Variants in DLD observed in about 807,000 individuals in gnomAD.
DLD encodes the protein dihydrolipoamide dehydrogenase.
A neutral mutation model predicts 62.2 loss-of-function variants in DLD; 36 were observed. The ratio of observed to expected loss-of-function variants is 0.58; its 90% CI spans 0.44 to 0.76. DLD has a LOEUF of 0.76. Among genes scored for constraint, DLD ranks in the 30% least tolerant of loss-of-function variants. The pLI is 0.00. For missense variants in DLD, 541 were observed against 608.6 expected (o/e 0.89, Z 1.17); for synonymous variants, 204 against 199.6 (o/e 1.02, Z -0.19).
In DLD at chr7:107,907,361, G is replaced by A. The variant is rs2032033249; in HGVS notation, c.684+993G>A. On this transcript the variant is annotated intron_variant, in intron 8 of 13. Coordinates refer to ENST00000205402, the MANE Select transcript of DLD (RefSeq NM_000108.5). ...TGACAGTTTATTATTTCCTAAGATGGTACACTGCCCTGGTCTCTGCAATGG... is the reference window on the plus strand; with the variant it reads ...TGACAGTTTATTATTTCCTAAGATGATACACTGCCCTGGTCTCTGCAATGG... Among the ~76,000 whole-genome samples the A allele has an allele frequency of 3.3e-5, 5 of 152,066 alleles. 1 individual carries two copies. In the South Asian group the frequency reaches 1.0e-3, roughly 31 times the overall value.
intron 8 of DLD, 44 bp from the exon 9 acceptor site, chr7:107,915,462 A>G: frequency 6.3e-7 from 1 of 1,587,370 alleles, no homozygotes; most frequent in Non-Finnish European, 8.6e-7. Context: ...AACATTTGCT[A>G]TAGAAACTTT....
In DLD at chr7:107,903,431, G is replaced by A. The variant is rs150502288; in HGVS notation, c.268-47G>A. On this transcript the variant is annotated intron_variant, in intron 4 of 13. Transcript: ENST00000205402. ...CATAAGTGCTTTTTGATTATTTGAA[G>A]TCTGTTTATGAATATTTGATAATTT... is the stretch of plus-strand genomic sequence containing the variant. 795 of 1,159,992 alleles carry A rather than the reference G, an allele frequency of 6.9e-4. 1 individual carries two copies. Among genetic ancestry groups the A allele is most frequent in the Non-Finnish European group, 9.1e-4 (702 of 772,620 alleles). The allele number at this position is 1,159,992 out of a possible 1,614,324, so 71.9% of individuals were successfully genotyped here. A position where few individuals can be genotyped will look rare whatever the true frequency, so the allele number is the denominator to read the frequency against.
chr7:107,898,282 T>C (rs1217666608), intron 2 of DLD, among the ~76,000 whole-genome samples: 6 of 144,424 alleles, frequency 4.2e-5, no homozygotes, highest in Non-Finnish European at 9.1e-5. Flanking sequence ...TTTTTTTTTT[T>C]TTTTTTTTTT....
At chr7:107,898,128 G>A (rs1027722086) in intron 2 of DLD, among the ~76,000 whole-genome samples, 3 of 151,748 alleles carry the variant, frequency 2.0e-5, no homozygotes, top group African/African-American at 2.4e-5. Context: ...TTTAAACCTG[G>A]TAGGAGCACA....
intron 8 of DLD, among the ~76,000 whole-genome samples, chr7:107,910,645 T>A (rs1200326185): frequency 6.6e-6 from 1 of 152,226 alleles, no homozygotes; most frequent in Non-Finnish European, 1.5e-5. Flanking sequence ...TTCTTGTTAA[T>A]GAGCCACTCT....
rs780689525 is a variant in DLD, at chr7:107,919,062, C to A, written c.1427C>A (p.Ser476Tyr). The A allele has an allele frequency of 6.2e-7, 1 of 1,613,912 alleles. No individual in the cohort carries two copies. The highest frequency in any genetic ancestry group is 2.2e-5 in the East Asian group (1 of 44,856). The change falls in exon 13 of 14, where the codon TCC becomes TAC. Residue 476 changes from serine to tyrosine, a missense_variant. Coordinates refer to ENST00000205402, the MANE Select transcript of DLD (RefSeq NM_000108.5). Reference protein sequence around the residue: ...EAALALEYGASCEDIARVCHA... With the variant: ...EAALALEYGAYCEDIARVCHA... ...GCTCTTGCTTTGGAATATGGAGCAT[C>A]CTGTGAAGATATAGCTAGAGTCTGT...
chr7:107,911,507 G>A (rs1371059439), intron 8 of DLD, among the ~76,000 whole-genome samples: 1 of 152,128 alleles, frequency 6.6e-6, no homozygotes, highest in African/African-American at 2.4e-5. Context: ...ATAACTGGAT[G>A]TGTAATTGTT....
intron 11 of DLD, 113 bp downstream of exon 11, chr7:107,917,575 TTG>T: frequency 2.8e-6 from 3 of 1,076,570 alleles, no homozygotes; most frequent in Non-Finnish European, 2.8e-6. Context: ...CTGTGAAATA[TTG>T]TTTAGCTTAT....
In DLD at chr7:107,891,192, G is replaced by GCGGCGGAGGCGCC; in HGVS notation, c.-57_-45dup. ...CGCAGGGAGGGGAGACCTTGGCGGA[G>GCGGCGGAGGCGCC]CGGCGGAGGCGCCCAGCGGAGGTGA... On this transcript the variant is annotated 5_prime_UTR_variant, in exon 1 of 14. Transcript: ENST00000205402. 3 of 1,606,130 alleles carry GCGGCGGAGGCGCC rather than the reference G, an allele frequency of 1.9e-6. No individual in the cohort carries two copies. The highest frequency in any genetic ancestry group is 2.2e-5 in the South Asian group (2 of 90,652).
Position 107,905,028 on chromosome 7 carries a change from T to C in DLD, c.408T>C (p.Gly136=), listed in dbSNP as rs1264718500. The change falls in exon 6 of 14, where the codon GGT becomes GGC. Residue 136 remains glycine (G), a synonymous_variant. Coordinates refer to ENST00000205402, the MANE Select transcript of DLD (RefSeq NM_000108.5). The stretch of plus-strand genomic sequence containing the variant: ...GTACTGCAGTAAAAGCTTTAACAGG[T>C]GGAATTGCCCACTTATTCAAACAGA... ...QKSTAVKALT[G]GIAHLFKQNK... 6.2e-7 allele frequency: 1 copy of C among 1,612,604 alleles called. No homozygotes were observed. Among genetic ancestry groups the C allele is most frequent in the Non-Finnish European group, 8.5e-7 (1 of 1,178,980 alleles).
intron 8 of DLD, among the ~76,000 whole-genome samples, chr7:107,912,240 C>G (rs7799327): frequency 0.65 from 99,186 of 152,000 alleles, 32,970 homozygotes; most frequent in East Asian, 0.85. Flanking sequence ...CTGATGGACA[C>G]TTGAGTTAAT....
At position 107,918,037 on chromosome 7, in the gene DLD, A is replaced by G. The variant is rs2116274513; in HGVS notation, c.1350A>G (p.Val450=). The change falls in exon 12 of 14, where the codon GTA becomes GTG. Residue 450 remains valine (V), a synonymous_variant. Transcript: ENST00000205402. ...KILGQKSTDR[V]LGAHILGPGA... ...TTGGGCAGAAATCGACAGACAGAGT[A>G]CTGGGAGCACATATTCTTGGACCAG... The G allele has an allele frequency of 1.2e-6, 2 of 1,614,064 alleles. No homozygotes were observed. Among genetic ancestry groups the G allele is most frequent in the East Asian group, 4.5e-5 (2 of 44,876 alleles).
intron 7 of DLD, 121 bp from the exon 8 acceptor site, chr7:107,906,146 T>C: frequency 3.1e-6 from 2 of 637,826 alleles, no homozygotes; most frequent in Non-Finnish European, 5.6e-6. Context: ...TCAATTTTTT[T>C]CCTGAATATT....
intron 2 of DLD, among the ~76,000 whole-genome samples, chr7:107,898,005 A>G (rs2031773032): frequency 6.6e-6 from 1 of 152,122 alleles, no homozygotes; most frequent in African/African-American, 2.4e-5. Flanking sequence ...AGGAATTTGT[A>G]GAGTACTTTT....
chr7:107,897,819 T>A (rs890724707), intron 2 of DLD, among the ~76,000 whole-genome samples: 1 of 152,086 alleles, frequency 6.6e-6, no homozygotes, highest in African/African-American at 2.4e-5. Flanking sequence ...CCTCAAGTGA[T>A]CCACCCGCAT....
At chr7:107,916,113 G>A (rs1049648600) in intron 9 of DLD, among the ~76,000 whole-genome samples, 1 of 152,094 alleles carries the variant, frequency 6.6e-6, no homozygotes, top group Non-Finnish European at 1.5e-5. Flanking sequence ...ATAGTTAATA[G>A]TATTTAAATA....
intron 2 of DLD, among the ~76,000 whole-genome samples, chr7:107,895,087 A>G (rs1028870919): frequency 1.3e-5 from 2 of 152,224 alleles, no homozygotes; most frequent in Non-Finnish European, 2.9e-5. Context: ...GTAACCAGCT[A>G]CAACAGCAAT....
At chr7:107,894,649 C>T (rs1367947250) in intron 2 of DLD, among the ~76,000 whole-genome samples, 1 of 152,150 alleles carries the variant, frequency 6.6e-6, no homozygotes, top group South Asian at 2.1e-4. Flanking sequence ...TAACTCTATA[C>T]CTTTGGCATC....
chr7:107,891,641 GGC>G, intron 1 of DLD: 1 of 473,452 alleles, frequency 2.1e-6, no homozygotes, highest in Non-Finnish European at 3.9e-6. Context: ...CGTATAGTCT[GGC>G]TTTTTATACC....
Sources: allele counts gnomAD v4.1 joint callset (sites outside exome capture counted in the v4.1 genomes callset), GRCh38; gene constraint gnomAD v4.1.1; transcripts MANE v1.5; gene names NCBI Gene and HGNC (gene_info 2026-07-23, HGNC 2026-07-21).